BBS9: variants seen among roughly 807,000 people sequenced by gnomAD.
BBS9 encodes Bardet-Biedl syndrome 9.
Under a neutral mutation model 117.7 loss-of-function variants are expected in BBS9, and 89 were observed. The ratio of observed to expected loss-of-function variants is 0.76; its 90% confidence interval spans 0.64 to 0.90. The LOEUF (loss-of-function observed/expected upper bound fraction) is 0.90, where lower values mean the gene tolerates loss of function less well. Ranked by LOEUF, BBS9 falls within the 40% of genes least tolerant of loss-of-function variation. BBS9 has a pLI of 0.00. For synonymous variants in BBS9, 379 were observed against 370.9 expected, an observed-to-expected ratio of 1.02 and a Z score of -0.25; for missense variants, 982 against 1,042.2, an observed-to-expected ratio of 0.94 and a Z score of 0.80.
intron 9 of BBS9, among the ~76,000 whole-genome samples, chr7:33,282,788 C>T (rs1802151444): frequency 6.6e-6 from 1 of 152,232 alleles, no homozygotes; most frequent in African/African-American, 2.4e-5. Flanking sequence ...ATTTTAGTTT[C>T]TAAAAGACTT....
At position 33,541,918 on chromosome 7, in the gene BBS9, A is replaced by T. The variant is rs115980691; in HGVS notation, c.2521+7742A>T. Among the ~76,000 whole-genome samples, 995 of 151,794 alleles carry T rather than the reference A, an allele frequency of 6.6e-3. 12 individuals are homozygous for T. The highest frequency in any genetic ancestry group is 0.023 in the African/African-American group (947 of 41,362). ...AACCATTGTGTATTTTAAAAGGGTA[A>T]GTTATATATGAATTATATCTCAATA... On this transcript the variant is annotated intron_variant, in intron 21 of 22. Coordinates refer to ENST00000242067, the MANE Select transcript of BBS9 (RefSeq NM_198428.3).
At chr7:33,274,937 G>A (rs1800469719) in intron 9 of BBS9, among the ~76,000 whole-genome samples, 1 of 147,090 alleles carries the variant, frequency 6.8e-6, no homozygotes. Flanking sequence ...GGAGGTTGCA[G>A]TGAGCCGAGA....
At chr7:33,427,006 G>A (rs1833757912) in intron 19 of BBS9, among the ~76,000 whole-genome samples, 1 of 152,178 alleles carries the variant, frequency 6.6e-6, no homozygotes, top group South Asian at 2.1e-4. Context: ...AATCCTTCCA[G>A]AACAAGGTTT....
intron 21 of BBS9, among the ~76,000 whole-genome samples, chr7:33,567,426 G>T (rs1409925856): frequency 1.3e-5 from 2 of 152,002 alleles, no homozygotes; most frequent in African/African-American, 4.8e-5. Flanking sequence ...GCAGTATTTG[G>T]TGCTGCTGAC....
At chr7:33,590,457 TTG>T (rs1861680447) in intron 21 of BBS9, among the ~76,000 whole-genome samples, 1 of 93,754 alleles carries the variant, frequency 1.1e-5, no homozygotes, top group East Asian at 3.8e-4. Flanking sequence ...TTTTGTTTTT[TTG>T]TTTTTTTTTT....
intron 21 of BBS9, among the ~76,000 whole-genome samples, chr7:33,548,816 A>C (rs1853862596): frequency 6.6e-6 from 1 of 150,658 alleles, no homozygotes. Flanking sequence ...GCTCATGGGT[A>C]GGAAGAATCA....
chr7:33,168,925 G>C (rs973308273), intron 4 of BBS9, among the ~76,000 whole-genome samples: 1 of 151,824 alleles, frequency 6.6e-6, no homozygotes, highest in African/African-American at 2.4e-5. Context: ...TCATCATCTA[G>C]CATTAGGTAT....
chr7:33,288,151 C>T (rs993890097), intron 9 of BBS9, among the ~76,000 whole-genome samples: 3 of 152,160 alleles, frequency 2.0e-5, no homozygotes, highest in Non-Finnish European at 4.4e-5. Flanking sequence ...ACCAGAAATT[C>T]GTGCCTTATG....
chr7:33,342,752 C>T (rs960662033), intron 11 of BBS9, among the ~76,000 whole-genome samples: 3 of 152,022 alleles, frequency 2.0e-5, no homozygotes, highest in Admixed American at 6.6e-5. Context: ...TTTTATGTTC[C>T]CAAAGGACTG....
At chr7:33,536,146 G>A (rs1851328772) in intron 21 of BBS9, among the ~76,000 whole-genome samples, 2 of 152,106 alleles carry the variant, frequency 1.3e-5, no homozygotes, top group South Asian at 4.2e-4. Flanking sequence ...CACAGTCCAG[G>A]GCGGGCCATC....
intron 21 of BBS9, among the ~76,000 whole-genome samples, chr7:33,544,377 TG>T (rs1852931547): frequency 6.6e-6 from 1 of 152,214 alleles, no homozygotes; most frequent in South Asian, 2.1e-4. Flanking sequence ...TTTTGTCCCA[TG>T]GGGTGTTCCC....
At chr7:33,386,232 T>TA (rs1196336780) in intron 18 of BBS9, among the ~76,000 whole-genome samples, 1 of 152,148 alleles carries the variant, frequency 6.6e-6, no homozygotes, top group African/African-American at 2.4e-5. Flanking sequence ...AATTTCAAGT[T>TA]ACTTTTATTT....
At chr7:33,324,686 TG>T (rs1425388255) in intron 9 of BBS9, among the ~76,000 whole-genome samples, 1 of 152,186 alleles carries the variant, frequency 6.6e-6, no homozygotes, top group Non-Finnish European at 1.5e-5. Flanking sequence ...TATCAGCTTT[TG>T]TTTGTCTGGG....
At chr7:33,631,772 C>T (rs1258187642) in intron 21 of BBS9, among the ~76,000 whole-genome samples, 1 of 152,152 alleles carries the variant, frequency 6.6e-6, no homozygotes, top group Non-Finnish European at 1.5e-5. Flanking sequence ...GTGGTTTCTA[C>T]AGAGGAACTC....
At chr7:33,223,949 G>A (rs186075587) in intron 5 of BBS9, among the ~76,000 whole-genome samples, 1 of 152,262 alleles carries the variant, frequency 6.6e-6, no homozygotes, top group Admixed American at 6.5e-5. Flanking sequence ...AGTTAACATA[G>A]ATTGAAAGTT....
intron 19 of BBS9, among the ~76,000 whole-genome samples, chr7:33,469,387 G>A (rs1463696366): frequency 6.6e-6 from 1 of 152,064 alleles, no homozygotes; most frequent in Non-Finnish European, 1.5e-5. Context: ...TGAGTTCATG[G>A]ACTTTATAGC....
Position 33,341,059 on chromosome 7 carries a change from G to C in BBS9, c.1275+86G>C, listed in dbSNP as rs545525224. 4.6e-5 allele frequency: 54 copies of C among 1,180,230 alleles called. 1 individual carries two copies. The South Asian group carries it at 6.5e-4, about 14-fold the overall frequency. 73.1% of individuals were successfully genotyped at this position (1,180,230 alleles called of 1,614,324 possible). ...ACCAAAATGCATTGGTTTAAAGTTT[G>C]GTCCTCCAAGTAGACACTTCAGGGA... On this transcript the variant is annotated intron_variant, in intron 11 of 22. Transcript: ENST00000242067.
intron 19 of BBS9, among the ~76,000 whole-genome samples, chr7:33,468,634 G>A (rs985520668): frequency 1.5e-4 from 23 of 151,970 alleles, no homozygotes; most frequent in Admixed American, 6.6e-4. Context: ...TTTTGTTCCC[G>A]TTAACCAACC....
intron 13 of BBS9, 90 bp from the exon 14 acceptor site, chr7:33,351,129 G>C (rs1818569485): frequency 1.3e-6 from 1 of 788,852 alleles, no homozygotes. Flanking sequence ...ACAGTACCTG[G>C]CATGTGGTGA....
Sources: allele counts gnomAD v4.1 joint callset (sites outside exome capture counted in the v4.1 genomes callset), GRCh38; gene constraint gnomAD v4.1.1; transcripts MANE v1.5; gene names NCBI Gene and HGNC (gene_info 2026-07-23, HGNC 2026-07-21).